The following WWOX variants were observed in gnomAD, a reference collection of about 807,000 sequenced individuals.
The protein encoded by WWOX is WW domain containing oxidoreductase.
A neutral mutation model predicts 46.2 loss-of-function variants in WWOX; 69 were observed. That is an observed-to-expected ratio of 1.49 (90% CI 1.23 to 1.82). The LOEUF is 1.82. WWOX is among the 40% of genes most tolerant of loss of function. WWOX has a pLI of 0.00. For synonymous variants in WWOX, 359 were observed against 202.6 expected (o/e 1.77, Z -6.56); for missense variants, 919 against 542.6 (o/e 1.69, Z -6.89).
intron 8 of WWOX, chr16:79,203,411 A>C (rs369023756): frequency 2.6e-5 from 4 of 152,220 alleles, no homozygotes; most frequent in Non-Finnish European, 5.9e-5. Flanking sequence ...GAATTATTGC[A>C]AAGTACATCC....
chr16:78,568,487 T>C (rs576124715), intron 8 of WWOX, among the ~76,000 whole-genome samples: 12 of 150,370 alleles, frequency 8.0e-5, no homozygotes, highest in African/African-American at 2.9e-4. Flanking sequence ...TTTTTTTTTT[T>C]TTTTTTGAGT....
At chr16:78,645,594 T>A (rs2881375) in intron 8 of WWOX, among the ~76,000 whole-genome samples, 38 of 151,836 alleles carry the variant, frequency 2.5e-4, no homozygotes, top group African/African-American at 7.7e-4. Context: ...AGAGAACATA[T>A]AGGGAGAAAG....
intron 6 of WWOX, among the ~76,000 whole-genome samples, chr16:78,416,747 T>A (rs2082805551): frequency 6.6e-6 from 1 of 152,270 alleles, no homozygotes; most frequent in Admixed American, 6.5e-5. Context: ...TTGAGGAATT[T>A]AATTTTGTCT....
intron 8 of WWOX, among the ~76,000 whole-genome samples, chr16:78,515,604 G>A (rs960848775): frequency 1.3e-5 from 2 of 152,202 alleles, no homozygotes; most frequent in African/African-American, 2.4e-5. Context: ...TCTCTGTGCA[G>A]AGCCAGGCCG....
At chr16:78,711,719 C>T (rs1205688054) in intron 8 of WWOX, among the ~76,000 whole-genome samples, 1 of 152,102 alleles carries the variant, frequency 6.6e-6, no homozygotes, top group East Asian at 1.9e-4. Context: ...TATAAGTGTT[C>T]CCTCCAATTC....
intron 8 of WWOX, among the ~76,000 whole-genome samples, chr16:78,870,514 A>AT: frequency 6.6e-6 from 1 of 152,086 alleles, no homozygotes; most frequent in Admixed American, 6.5e-5. Flanking sequence ...TAAAAAAAAA[A>AT]CAAAAAACCC....
chr16:78,210,178 C>T lies in WWOX; in HGVS notation c.516+45889C>T, dbSNP rs145392521. Among the ~76,000 whole-genome samples, 727 of 152,238 alleles carry T rather than the reference C, an allele frequency of 4.8e-3. 4 individuals carry two copies. Among genetic ancestry groups the T allele is most frequent in the African/African-American group, 0.017 (692 of 41,534 alleles). On this transcript the variant is annotated intron_variant, in intron 5 of 8. Transcript: ENST00000566780. Reference sequence around the variant, plus strand: ...TAGGTTTATTTATAAAGACTTGCTTCAATATTCAAAGTACATCTATTCTAG... The same window carrying T: ...TAGGTTTATTTATAAAGACTTGCTTTAATATTCAAAGTACATCTATTCTAG...
chr16:78,867,813 C>A (rs1209357416), intron 8 of WWOX, among the ~76,000 whole-genome samples: 4 of 152,064 alleles, frequency 2.6e-5, no homozygotes, highest in Admixed American at 2.6e-4. Context: ...TCATCGCTGC[C>A]ACTGTAAAAT....
intron 8 of WWOX, among the ~76,000 whole-genome samples, chr16:78,726,285 C>G (rs1239387242): frequency 6.6e-6 from 1 of 151,202 alleles, no homozygotes; most frequent in East Asian, 1.9e-4. Context: ...AGTGCAGTGG[C>G]ATGATCACGG....
intron 8 of WWOX, among the ~76,000 whole-genome samples, chr16:78,601,143 G>C (rs2045612781): frequency 6.6e-6 from 1 of 152,274 alleles, no homozygotes; most frequent in East Asian, 1.9e-4. Flanking sequence ...CAGGGATGGA[G>C]AGGCAAACCC....
chr16:78,916,403 A>G (rs986113977), intron 8 of WWOX, among the ~76,000 whole-genome samples: 1 of 152,224 alleles, frequency 6.6e-6, no homozygotes, highest in South Asian at 2.1e-4. Flanking sequence ...AAACATGGGA[A>G]GACTGGCAAG....
chr16:78,545,515 G>C (rs1447577038), intron 8 of WWOX, among the ~76,000 whole-genome samples: 1 of 152,126 alleles, frequency 6.6e-6, no homozygotes, highest in African/African-American at 2.4e-5. Flanking sequence ...ACCATGTCTG[G>C]CTTAAATCCA....
At chr16:78,752,655 A>G (rs2049515493) in intron 8 of WWOX, among the ~76,000 whole-genome samples, 1 of 152,212 alleles carries the variant, frequency 6.6e-6, no homozygotes, top group South Asian at 2.1e-4. Context: ...ATTCTTTAAG[A>G]TAAACATTTG....
intron 8 of WWOX, among the ~76,000 whole-genome samples, chr16:78,972,631 C>T (rs1382098812): frequency 2.0e-5 from 3 of 152,086 alleles, no homozygotes. Flanking sequence ...TACCGCTGCA[C>T]ATCCCACCCT....
At chr16:78,948,643 C>T (rs984906559) in intron 8 of WWOX, among the ~76,000 whole-genome samples, 8 of 152,106 alleles carry the variant, frequency 5.3e-5, no homozygotes, top group Admixed American at 2.0e-4. Context: ...GGTTCCCACT[C>T]GAAAAGAGGT....
intron 8 of WWOX, among the ~76,000 whole-genome samples, chr16:78,862,110 A>T (rs1204200709): frequency 6.6e-6 from 1 of 152,030 alleles, no homozygotes; most frequent in African/African-American, 2.4e-5. Flanking sequence ...ATCTATACAC[A>T]CACCTATGGG....
At chr16:79,059,615 C>T (rs974788764) in intron 8 of WWOX, among the ~76,000 whole-genome samples, 1 of 152,190 alleles carries the variant, frequency 6.6e-6, no homozygotes, top group Admixed American at 6.5e-5. Context: ...CTCAGCCTGC[C>T]TCCCAAGTAG....
chr16:78,979,474 C>T (rs2046638480), intron 8 of WWOX, among the ~76,000 whole-genome samples: 1 of 152,096 alleles, frequency 6.6e-6, no homozygotes, highest in Admixed American at 6.5e-5. Flanking sequence ...ATATGGTGGC[C>T]ACTGCATGAT....
chr16:78,657,990 T>G (rs886474407), intron 8 of WWOX, among the ~76,000 whole-genome samples: 31 of 152,148 alleles, frequency 2.0e-4, no homozygotes, highest in African/African-American at 7.0e-4. Context: ...GATTTTTCAC[T>G]TTATCCTGGA....
Sources: gnomAD v4.1 joint callset for allele counts (sites outside exome capture counted in the v4.1 genomes callset) on GRCh38, gnomAD v4.1.1 for gene constraint, MANE v1.5 for transcripts, NCBI Gene and HGNC (gene_info 2026-07-23, HGNC 2026-07-21) for gene names.